The following CDKAL1 variants were observed in gnomAD, a reference collection of about 807,000 sequenced individuals.
CDKAL1 encodes the protein threonylcarbamoyladenosine tRNA methylthiotransferase.
In CDKAL1, 32 loss-of-function variants were observed where a neutral mutation model predicts 68.2. The ratio of observed to expected loss-of-function variants is 0.47; its 90% CI spans 0.35 to 0.63. The LOEUF is 0.63. Among genes scored for constraint, CDKAL1 ranks in the 30% least tolerant of loss-of-function variants. CDKAL1 has a pLI of 0.00. For missense variants in CDKAL1, 606 were observed against 696.7 expected, an observed-to-expected ratio of 0.87 and a Z score of 1.47; for synonymous variants, 234 against 244.3, an observed-to-expected ratio of 0.96 and a Z score of 0.39.
rs185836244 is a variant in CDKAL1 at position 21,051,761 on chromosome 6, C to T, written c.1056-13287C>T. Among the ~76,000 whole-genome samples, 23 of 152,124 alleles carry T rather than the reference C, an allele frequency of 1.5e-4. No individual in the cohort carries two copies. In the East Asian group the frequency reaches 4.2e-3, roughly 28 times the overall value. On this transcript the variant is annotated intron_variant, in intron 11 of 15. Transcript: ENST00000274695. ...TCTGACAAGGTTACAATAATAAAGC[C>T]AATACATATTAAGCACTATATGGGA...
chr6:21,057,540 G>T (rs1054801393), intron 11 of CDKAL1, among the ~76,000 whole-genome samples: 1 of 151,132 alleles, frequency 6.6e-6, no homozygotes, highest in African/African-American at 2.4e-5. Flanking sequence ...TCTGAGCTTG[G>T]TTATTTCTTG....
intron 13 of CDKAL1, among the ~76,000 whole-genome samples, chr6:21,112,085 T>G (rs910519858): frequency 9.2e-5 from 14 of 152,188 alleles, no homozygotes; most frequent in Non-Finnish European, 1.8e-4. Flanking sequence ...TTTTTTCTTT[T>G]GATAAATCAC....
chr6:21,007,514 A>T (rs1427858288), intron 11 of CDKAL1, among the ~76,000 whole-genome samples: 1 of 139,902 alleles, frequency 7.1e-6, no homozygotes, highest in Non-Finnish European at 1.6e-5. Context: ...AAAAAAGCCC[A>T]CAATGAATTA....
Position 20,693,047 on chromosome 6 carries a change from G to A in CDKAL1, c.371+43670G>A, listed in dbSNP as rs143316471. Among the ~76,000 whole-genome samples, 737 of 149,600 alleles carry A rather than the reference G, an allele frequency of 4.9e-3. 11 individuals are homozygous for A. In the East Asian group the frequency reaches 0.071, roughly 14 times the overall value. On this transcript the variant is annotated intron_variant, in intron 5 of 15. Coordinates refer to ENST00000274695, the MANE Select transcript of CDKAL1 (RefSeq NM_017774.3). ...CGGGAGGCTGAGGCAGGAGAATGGC[G>A]TGAACCTGGGAGGCAGAGCTTGCAG...
chr6:20,597,906 T>C (rs1765904165), intron 4 of CDKAL1, among the ~76,000 whole-genome samples: 1 of 152,240 alleles, frequency 6.6e-6, no homozygotes, highest in African/African-American at 2.4e-5. Context: ...TTGAAATAAA[T>C]GTCTTTCTTA....
chr6:21,011,757 A>G (rs964393640), intron 11 of CDKAL1, among the ~76,000 whole-genome samples: 52 of 152,300 alleles, frequency 3.4e-4, no homozygotes, highest in African/African-American at 1.1e-3. Flanking sequence ...ATGAAAATCA[A>G]TCCCCTTTCT....
intron 13 of CDKAL1, among the ~76,000 whole-genome samples, chr6:21,164,173 T>C (rs1171681898): frequency 2.1e-4 from 32 of 152,062 alleles, no homozygotes; most frequent in Non-Finnish European, 5.9e-5. Flanking sequence ...ATTGATGATT[T>C]AAAAGATTTA....
chr6:20,924,618 G>C lies in CDKAL1; in HGVS notation c.743-30801G>C, dbSNP rs999116884. 2.7e-4 allele frequency among the ~76,000 whole-genome samples: 41 copies of C among 152,290 alleles called. 1 individual carries two copies. The highest frequency in any genetic ancestry group is 8.7e-4 in the African/African-American group (36 of 41,564). Reference sequence around the variant, plus strand: ...CTCTTAAGCTAAAGTCTAATCCAGAGCAAAGCCCTAACTCTGTTCAATTCT... The same window carrying C: ...CTCTTAAGCTAAAGTCTAATCCAGACCAAAGCCCTAACTCTGTTCAATTCT... On this transcript the variant is annotated intron_variant, in intron 9 of 15. Transcript: ENST00000274695.
chr6:20,874,852 G>C (rs536396509), intron 9 of CDKAL1, among the ~76,000 whole-genome samples: 5 of 152,004 alleles, frequency 3.3e-5, no homozygotes, highest in Non-Finnish European at 7.4e-5. Context: ...ATGAGAGGGC[G>C]ACTTCAGAAG....
intron 15 of CDKAL1, among the ~76,000 whole-genome samples, chr6:21,212,304 G>T (rs911491716): frequency 6.6e-6 from 1 of 152,106 alleles, no homozygotes; most frequent in African/African-American, 2.4e-5. Context: ...TACTCCAGCT[G>T]ATGAGGACAT....
chr6:20,849,012 C>T (rs1158227619), intron 9 of CDKAL1, among the ~76,000 whole-genome samples: 1 of 151,812 alleles, frequency 6.6e-6, no homozygotes, highest in East Asian at 1.9e-4. Context: ...AGGCTGGTCT[C>T]GAACTCCTGG....
At chr6:21,159,928 T>C (rs1003182986) in intron 13 of CDKAL1, among the ~76,000 whole-genome samples, 2 of 152,244 alleles carry the variant, frequency 1.3e-5, no homozygotes, top group African/African-American at 4.8e-5. Context: ...ATTGACTTCC[T>C]AGCTGCTCTT....
At chr6:21,047,193 G>A (rs559983983) in intron 11 of CDKAL1, among the ~76,000 whole-genome samples, 1 of 152,054 alleles carries the variant, frequency 6.6e-6, no homozygotes, top group African/African-American at 2.4e-5. Context: ...TAGGACTACA[G>A]GTGTGTGTTA....
chr6:21,206,731 C>T (rs1349797472), intron 15 of CDKAL1, among the ~76,000 whole-genome samples: 1 of 152,124 alleles, frequency 6.6e-6, no homozygotes, highest in Non-Finnish European at 1.5e-5. Context: ...TGATCAAGTA[C>T]AACTTTCTTG....
At chr6:21,026,875 G>A (rs545042379) in intron 11 of CDKAL1, among the ~76,000 whole-genome samples, 3 of 152,242 alleles carry the variant, frequency 2.0e-5, no homozygotes, top group Admixed American at 6.5e-5. Flanking sequence ...ATGACTAACT[G>A]CCAAGGGTGC....
intron 10 of CDKAL1, among the ~76,000 whole-genome samples, chr6:20,990,054 C>T (rs188610345): frequency 3.9e-5 from 6 of 152,160 alleles, no homozygotes; most frequent in Non-Finnish European, 7.4e-5. Flanking sequence ...ACCAGCCTGG[C>T]CAACGTGGTA....
intron 13 of CDKAL1, among the ~76,000 whole-genome samples, chr6:21,191,014 T>C (rs1322220213): frequency 2.0e-5 from 3 of 152,236 alleles, no homozygotes; most frequent in Non-Finnish European, 4.4e-5. Flanking sequence ...TTTAAAGCCA[T>C]ATATGAGTTT....
chr6:20,632,394 T>C (rs1767711268), intron 4 of CDKAL1, among the ~76,000 whole-genome samples: 1 of 152,238 alleles, frequency 6.6e-6, no homozygotes, highest in Non-Finnish European at 1.5e-5. Context: ...ACTGAATGTA[T>C]ATTACTTTTG....
At chr6:21,176,934 T>C (rs955416530) in intron 13 of CDKAL1, among the ~76,000 whole-genome samples, 3 of 152,098 alleles carry the variant, frequency 2.0e-5, no homozygotes, top group Non-Finnish European at 4.4e-5. Flanking sequence ...CATGACCTCA[T>C]GATCCACCCG....
Sources: allele counts gnomAD v4.1 joint callset (sites outside exome capture counted in the v4.1 genomes callset), GRCh38; gene constraint gnomAD v4.1.1; transcripts MANE v1.5; gene names NCBI Gene and HGNC (gene_info 2026-07-23, HGNC 2026-07-21).